Variants in SPOCK1 observed in about 807,000 individuals in gnomAD.
The protein encoded by SPOCK1 is SPARC (osteonectin), cwcv and kazal like domains proteoglycan 1.
SPOCK1 carries 23 observed loss-of-function variants against 55.3 expected under a neutral mutation model. The observed-to-expected ratio is 0.42, with a 90% CI of 0.30 to 0.59. The LOEUF (loss-of-function observed/expected upper bound fraction) is 0.59. Ranked by LOEUF, SPOCK1 falls within the 20% of genes least tolerant of loss-of-function variation. The probability of loss-of-function intolerance (pLI) is 0.22; values close to 1 mark genes in which losing one functional copy is unlikely to be tolerated. For synonymous variants in SPOCK1, 226 were observed against 221.0 expected (o/e 1.02, Z -0.20); for missense variants, 499 against 552.5 (o/e 0.90, Z 0.97).
intron 2 of SPOCK1, among the ~76,000 whole-genome samples, chr5:137,301,387 G>A (rs534988180): frequency 6.6e-6 from 1 of 152,292 alleles, no homozygotes; most frequent in South Asian, 2.1e-4. Context: ...GGAAGCCACA[G>A]GGAAACTATT....
At chr5:137,407,761 C>T (rs1752130433) in intron 2 of SPOCK1, among the ~76,000 whole-genome samples, 1 of 152,188 alleles carries the variant, frequency 6.6e-6, no homozygotes, top group South Asian at 2.1e-4. Flanking sequence ...TGTAAGAAAA[C>T]ACAAGCCACT....
chr5:137,173,165 G>A (rs1754784640), intron 3 of SPOCK1, among the ~76,000 whole-genome samples: 1 of 152,102 alleles, frequency 6.6e-6, no homozygotes. Flanking sequence ...GCTGTGGGCA[G>A]GTACATGGTC....
chr5:137,484,732 A>C (rs1049138411), intron 2 of SPOCK1, among the ~76,000 whole-genome samples: 1 of 152,222 alleles, frequency 6.6e-6, no homozygotes, highest in Non-Finnish European at 1.5e-5. Flanking sequence ...AGACTCATAT[A>C]ACCAAAAATA....
intron 3 of SPOCK1, among the ~76,000 whole-genome samples, chr5:137,228,670 A>C (rs932696947): frequency 4.9e-4 from 75 of 152,228 alleles, no homozygotes; most frequent in Admixed American, 2.2e-3. Context: ...GAAAACAAAA[A>C]AAACCTAATC....
intron 5 of SPOCK1, among the ~76,000 whole-genome samples, chr5:137,086,526 T>G (rs1301069954): frequency 6.6e-6 from 1 of 152,100 alleles, no homozygotes; most frequent in Non-Finnish European, 1.5e-5. Flanking sequence ...CAGAGCATCG[T>G]GTACAGAACC....
intron 6 of SPOCK1, among the ~76,000 whole-genome samples, chr5:137,066,251 G>T (rs957079733): frequency 8.5e-5 from 13 of 152,120 alleles, no homozygotes; most frequent in African/African-American, 3.1e-4. Flanking sequence ...CAATTCTCCT[G>T]CCTCAGCCCC....
intron 2 of SPOCK1, among the ~76,000 whole-genome samples, chr5:137,442,344 T>C (rs1444610930): frequency 1.3e-5 from 2 of 152,110 alleles, no homozygotes; most frequent in African/African-American, 2.4e-5. Flanking sequence ...CCAGAGAAGA[T>C]GTAGAGAGTA....
At chr5:137,149,896 C>T (rs2127057342) in intron 3 of SPOCK1, among the ~76,000 whole-genome samples, 1 of 152,280 alleles carries the variant, frequency 6.6e-6, no homozygotes, top group East Asian at 1.9e-4. Context: ...TTACTCAACT[C>T]TTTAGGATTC....
chr5:137,113,547 C>T (rs997200461), intron 4 of SPOCK1, among the ~76,000 whole-genome samples: 12 of 152,168 alleles, frequency 7.9e-5, no homozygotes, highest in Admixed American at 7.9e-4. Context: ...ACTCACAGTG[C>T]GACCTTGGCA....
intron 3 of SPOCK1, among the ~76,000 whole-genome samples, chr5:137,162,891 C>T (rs1452376576): frequency 6.6e-6 from 1 of 152,170 alleles, no homozygotes; most frequent in Non-Finnish European, 1.5e-5. Flanking sequence ...CCTACTTATT[C>T]CACATCAGCG....
At chr5:137,239,438 C>G (rs1756241911) in intron 3 of SPOCK1, among the ~76,000 whole-genome samples, 1 of 152,158 alleles carries the variant, frequency 6.6e-6, no homozygotes, top group Admixed American at 6.5e-5. Flanking sequence ...CACCGTGACC[C>G]ATTATAGCAA....
intron 3 of SPOCK1, among the ~76,000 whole-genome samples, chr5:137,222,562 A>G (rs1309358088): frequency 6.6e-6 from 1 of 152,206 alleles, no homozygotes; most frequent in African/African-American, 2.4e-5. Context: ...CCCCCTTCAC[A>G]TATCTGTCAA....
chr5:137,285,912 T>C (rs1026228691), intron 2 of SPOCK1, among the ~76,000 whole-genome samples: 11 of 151,992 alleles, frequency 7.2e-5, no homozygotes, highest in African/African-American at 2.2e-4. Flanking sequence ...AAATAGTAAA[T>C]AGTTTAGGTT....
At chr5:137,347,729 A>T (rs1750590196) in intron 2 of SPOCK1, among the ~76,000 whole-genome samples, 1 of 152,058 alleles carries the variant, frequency 6.6e-6, no homozygotes, top group South Asian at 2.1e-4. Context: ...AACAAAAAAC[A>T]AAAAACAAAT....
chr5:136,976,004 T>TAATC lies in SPOCK1; in HGVS notation c.*2646_*2649dup, dbSNP rs1354062805. The TAATC allele has an allele frequency of 6.6e-6, 1 of 152,224 alleles. No homozygotes were observed. Among genetic ancestry groups the TAATC allele is most frequent in the Non-Finnish European group, 1.5e-5 (1 of 68,042 alleles). The allele number at this position is 152,224 out of a possible 1,614,324, so 9.4% of individuals were successfully genotyped here. A position where few individuals can be genotyped will look rare whatever the true frequency, so the allele number is the denominator to read the frequency against. Reference sequence around the variant, plus strand: ...GAAGTGGTTTATTACAATATTTTTATAATCAGTATTTTATGTGTACTTGGT... The same window carrying TAATC: ...GAAGTGGTTTATTACAATATTTTTATAATCAATCAGTATTTTATGTGTACTTGGT... On this transcript the variant is annotated 3_prime_UTR_variant, in exon 11 of 11. Transcript: ENST00000394945.
At position 137,266,196 on chromosome 5, in the gene SPOCK1, C is replaced by T. The variant is rs138830468; in HGVS notation, c.232+814G>A. Among the ~76,000 whole-genome samples the T allele has an allele frequency of 1.9e-3, 286 of 152,276 alleles. 3 individuals carry two copies. The highest frequency in any genetic ancestry group is 6.5e-3 in the African/African-American group (269 of 41,564). ...GACCATCATGATCACATCGAATACT[C>T]ACATTACAGAACTGAAGCTGATTCT... On this transcript the variant is annotated intron_variant, in intron 3 of 10. Transcript: ENST00000394945.
intron 3 of SPOCK1, among the ~76,000 whole-genome samples, chr5:137,179,705 G>A (rs1353975408): frequency 6.6e-6 from 1 of 152,148 alleles, no homozygotes. Flanking sequence ...AGAGTATGAG[G>A]TATAAGACCT....
chr5:137,059,135 T>A (rs1227093826), intron 6 of SPOCK1, among the ~76,000 whole-genome samples: 1 of 90,434 alleles, frequency 1.1e-5, no homozygotes, highest in East Asian at 3.1e-4. Flanking sequence ...CAAGGATGTC[T>A]TAAAGTTTGA....
At chr5:137,145,160 AC>A (rs1754168758) in intron 3 of SPOCK1, among the ~76,000 whole-genome samples, 1 of 152,164 alleles carries the variant, frequency 6.6e-6, no homozygotes, top group South Asian at 2.1e-4. Context: ...TTTTACAGAA[AC>A]CTTTCTCAAG....
Sources: gnomAD v4.1 joint callset for allele counts (sites outside exome capture counted in the v4.1 genomes callset) on GRCh38, gnomAD v4.1.1 for gene constraint, MANE v1.5 for transcripts, NCBI Gene and HGNC (gene_info 2026-07-23, HGNC 2026-07-21) for gene names.